The following GALNT17 variants were observed in gnomAD, a reference collection of about 807,000 sequenced individuals.
GALNT17 encodes UDP-GalNAc:polypeptide N-acetylgalactosaminyltransferase-like 3.
A neutral mutation model predicts 63.7 loss-of-function variants in GALNT17; 29 were observed. That is an observed-to-expected ratio of 0.46 (90% CI 0.34 to 0.62). GALNT17 has a LOEUF of 0.62. Ranked by LOEUF, GALNT17 falls within the 20% of genes least tolerant of loss-of-function variation. The pLI, the probability that GALNT17 is intolerant of heterozygous loss-of-function variation, is 0.01. For synonymous variants in GALNT17, 305 were observed against 318.3 expected (o/e 0.96, Z 0.45); for missense variants, 603 against 799.6 (o/e 0.75, Z 2.97).
intron 1 of GALNT17, among the ~76,000 whole-genome samples, chr7:71,251,400 A>G (rs754918445): frequency 6.6e-6 from 1 of 152,176 alleles, no homozygotes; most frequent in African/African-American, 2.4e-5. Flanking sequence ...GTCTGCATCC[A>G]TATTTCAATA....
intron 9 of GALNT17, among the ~76,000 whole-genome samples, chr7:71,681,551 A>G (rs1791262670): frequency 6.6e-6 from 1 of 152,156 alleles, no homozygotes; most frequent in Non-Finnish European, 1.5e-5. Context: ...CCTCTGGCCC[A>G]GGCAGCAAGA....
At chr7:71,421,637 A>G (rs1263703396) in intron 5 of GALNT17, among the ~76,000 whole-genome samples, 1 of 152,092 alleles carries the variant, frequency 6.6e-6, no homozygotes, top group Non-Finnish European at 1.5e-5. Flanking sequence ...GAGGCATACC[A>G]GTTGCAGAAC....
intron 1 of GALNT17, among the ~76,000 whole-genome samples, chr7:71,183,509 A>C (rs1788773111): frequency 6.6e-6 from 1 of 152,142 alleles, no homozygotes; most frequent in Non-Finnish European, 1.5e-5. Context: ...CCCCCAGGTA[A>C]GAGTTGATTC....
chr7:71,320,094 C>T (rs1238288505), intron 1 of GALNT17, among the ~76,000 whole-genome samples: 1 of 152,146 alleles, frequency 6.6e-6, no homozygotes, highest in Admixed American at 6.5e-5. Flanking sequence ...ATGATCAAGT[C>T]CAACATTAGT....
At chr7:71,246,615 G>C (rs1790102972) in intron 1 of GALNT17, among the ~76,000 whole-genome samples, 1 of 151,896 alleles carries the variant, frequency 6.6e-6, no homozygotes, top group East Asian at 2.0e-4. Context: ...CGGATCACGA[G>C]GTCAGGAGAT....
At chr7:71,143,865 C>T (rs1327950614) in intron 1 of GALNT17, among the ~76,000 whole-genome samples, 1 of 150,510 alleles carries the variant, frequency 6.6e-6, no homozygotes, top group Non-Finnish European at 1.5e-5. Flanking sequence ...CATAGTGAGA[C>T]CCCATCTCTA....
chr7:71,592,526 TAAAATAAAATAAAATAA>T (rs1789819312), intron 6 of GALNT17, among the ~76,000 whole-genome samples: 2 of 102,542 alleles, frequency 2.0e-5, no homozygotes, highest in African/African-American at 7.2e-5. Flanking sequence ...TAAAATAAAA[TAAAATAAAATAAAATAA>T]AATAGCATAG....
chr7:71,653,269 C>A (rs1297890036), intron 6 of GALNT17, among the ~76,000 whole-genome samples: 1 of 152,082 alleles, frequency 6.6e-6, no homozygotes, highest in Non-Finnish European at 1.5e-5. Flanking sequence ...CTGCCTCAGC[C>A]TCCCAAAGTG....
intron 9 of GALNT17, among the ~76,000 whole-genome samples, chr7:71,701,731 A>ATATATATATATGTGTATATATATG (rs1791635358): frequency 1.4e-5 from 2 of 138,200 alleles, no homozygotes; most frequent in South Asian, 4.6e-4. Flanking sequence ...GTATGTATAT[A>ATATATATATATGTGTATATATATG]TATATATATG....
intron 6 of GALNT17, among the ~76,000 whole-genome samples, chr7:71,641,826 G>C (rs1790608177): frequency 6.6e-6 from 1 of 152,080 alleles, no homozygotes; most frequent in African/African-American, 2.4e-5. Context: ...TCAAGTCTTA[G>C]CTGCTGTGGA....
chr7:71,430,263 T>C (rs1303206733), intron 5 of GALNT17, among the ~76,000 whole-genome samples: 1 of 152,216 alleles, frequency 6.6e-6, no homozygotes, highest in Non-Finnish European at 1.5e-5. Flanking sequence ...AGGTGTAAGA[T>C]AAGAATGAAG....
chr7:71,348,153 CA>C (rs957685811), intron 2 of GALNT17, among the ~76,000 whole-genome samples: 153 of 152,000 alleles, frequency 1.0e-3, no homozygotes, highest in African/African-American at 3.4e-3. Flanking sequence ...CTCAGATACT[CA>C]GGGGGCTGAG....
chr7:71,140,065 G>T (rs951731975), intron 1 of GALNT17, among the ~76,000 whole-genome samples: 9 of 152,274 alleles, frequency 5.9e-5, no homozygotes, highest in African/African-American at 2.2e-4. Flanking sequence ...AAGCATCTCC[G>T]TTCATTAATG....
intron 1 of GALNT17, among the ~76,000 whole-genome samples, chr7:71,212,056 A>G (rs1009924916): frequency 2.6e-5 from 4 of 152,198 alleles, no homozygotes; most frequent in Admixed American, 1.3e-4. Flanking sequence ...CCATGGGGAA[A>G]ATGTCTCCAG....
chr7:71,537,798 G>A (rs1788824441), intron 5 of GALNT17, among the ~76,000 whole-genome samples: 1 of 152,174 alleles, frequency 6.6e-6, no homozygotes, highest in Non-Finnish European at 1.5e-5. Flanking sequence ...GAGGAACAGA[G>A]TGAGACACTG....
chr7:71,617,237 G>A (rs1024794929), intron 6 of GALNT17, among the ~76,000 whole-genome samples: 5 of 146,516 alleles, frequency 3.4e-5, no homozygotes, highest in East Asian at 2.0e-4. Context: ...TGAGGTTGGA[G>A]TATGGATTCC....
At chr7:71,235,770 G>A (rs1443440455) in intron 1 of GALNT17, among the ~76,000 whole-genome samples, 2 of 152,182 alleles carry the variant, frequency 1.3e-5, no homozygotes, top group Admixed American at 1.3e-4. Flanking sequence ...GAAGCATGAG[G>A]AAGGGGGTGC....
chr7:71,151,502 T>A (rs1788131767), intron 1 of GALNT17, among the ~76,000 whole-genome samples: 1 of 151,732 alleles, frequency 6.6e-6, no homozygotes, highest in Admixed American at 6.6e-5. Context: ...GTGCCTGTAG[T>A]CCCAGCTACT....
chr7:71,199,151 AT>A (rs1789114875), intron 1 of GALNT17, among the ~76,000 whole-genome samples: 1 of 152,148 alleles, frequency 6.6e-6, no homozygotes, highest in Non-Finnish European at 1.5e-5. Flanking sequence ...ACTGCGCTGC[AT>A]GTCCTTTGAT....
Sources: allele counts gnomAD v4.1 joint callset (sites outside exome capture counted in the v4.1 genomes callset), GRCh38; gene constraint gnomAD v4.1.1; transcripts MANE v1.5; gene names NCBI Gene and HGNC (gene_info 2026-07-23, HGNC 2026-07-21).